MAN2B2: variants seen among roughly 807,000 people sequenced by gnomAD.
The protein encoded by MAN2B2 is mannosidase alpha class 2B member 2, also known as epididymis-specific alpha-mannosidase.
MAN2B2 carries 106 observed loss-of-function variants against 117.1 expected under a neutral mutation model. The ratio of observed to expected loss-of-function variants is 0.90; its 90% CI spans 0.77 to 1.06. The LOEUF (loss-of-function observed/expected upper bound fraction) is 1.06. MAN2B2 is among the 50% of genes least tolerant of loss of function. The pLI is 0.00. For missense variants in MAN2B2, 1,326 were observed against 1,381.4 expected (o/e 0.96, Z 0.64); for synonymous variants, 544 against 595.1 (o/e 0.91, Z 1.25).
In MAN2B2 at chr4:6,597,147, C is replaced by G; in HGVS notation, c.1092C>G (p.Ser364=). 1 of 1,613,386 alleles carries G rather than the reference C, an allele frequency of 6.2e-7. No individual in the cohort carries two copies. Among genetic ancestry groups the G allele is most frequent in the Non-Finnish European group, 8.5e-7 (1 of 1,179,896 alleles). Residue 364 remains serine (S), a synonymous_variant, in exon 8 of 19, where the codon TCC becomes TCG. Transcript: ENST00000285599. The stretch of plus-strand genomic sequence containing the variant: ...AGGCCTGGACGGGCTTCTACACGTC[C>G]CGCAGCTCACTGAAGGGGCTGGCCC... ...PFQAWTGFYT[S]RSSLKGLARR...
chr4:6,579,333 A>G (rs1726311040), intron 3 of MAN2B2, among the ~76,000 whole-genome samples: 1 of 131,542 alleles, frequency 7.6e-6, no homozygotes, highest in Non-Finnish European at 1.6e-5. Flanking sequence ...CACCACCACC[A>G]CCACCACCAT....
chr4:6,579,280 CCATCACCAT>C (rs1726291387), intron 3 of MAN2B2, among the ~76,000 whole-genome samples: 13 of 89,926 alleles, frequency 1.4e-4, no homozygotes, highest in African/African-American at 2.7e-4. Flanking sequence ...ATCACCACCA[CCATCACCAT>C]CACCACCACC....
chr4:6,578,363 G>A lies in MAN2B2; in HGVS notation c.286-30G>A, dbSNP rs781665148. The A allele has an allele frequency of 3.8e-6, 6 of 1,573,724 alleles. No individual in the cohort carries two copies. In the South Asian group the frequency reaches 6.8e-5, roughly 18 times the overall value. ...CAGCCATGCTCAGGAGCCGTAACTG[G>A]CTTTTTTCTCTCTGCCTGCCCATGT... On this transcript the variant is annotated intron_variant, in intron 2 of 18. Coordinates refer to ENST00000285599, the MANE Select transcript of MAN2B2 (RefSeq NM_015274.3).
chr4:6,604,795 G>C (rs1727471712), intron 10 of MAN2B2, among the ~76,000 whole-genome samples: 1 of 152,104 alleles, frequency 6.6e-6, no homozygotes, highest in Non-Finnish European at 1.5e-5. Flanking sequence ...GTGTTCAGGA[G>C]CTCCCAGTTC....
rs1362933037 is a variant in MAN2B2, at chr4:6,614,393, C to T, written c.2701+38C>T. On this transcript the variant is annotated intron_variant, in intron 16 of 18. Coordinates refer to ENST00000285599, the MANE Select transcript of MAN2B2 (RefSeq NM_015274.3). ...CCCTGGCGTCTCAGACCTGCTCCTC[C>T]CTCCCTGAGTCAAACAGGCCACCGG... 3.7e-6 allele frequency: 6 copies of T among 1,603,918 alleles called. No homozygotes were observed. The African/African-American group carries it at 5.3e-5, about 14-fold the overall frequency.
In MAN2B2 at chr4:6,578,444, GT is replaced by G; in HGVS notation, c.338del (p.Val113AlafsTer7). Reference protein sequence around the residue: ...GRLEFVIGGQVMHDEAVTHLD... With the variant: ...GRLEFVIGGQXMHDEAVTHLD... ...CCTGGAATTTGTCATCGGAGGCCAG[GT>G]CATGCATGACGAGGCTGTGACGCAC... On this transcript the variant is annotated frameshift_variant, in exon 3 of 19. Coordinates refer to ENST00000285599, the MANE Select transcript of MAN2B2 (RefSeq NM_015274.3). LOFTEE classifies it high-confidence loss of function. The G allele has an allele frequency of 6.2e-7, 1 of 1,613,742 alleles. No individual in the cohort carries two copies. Among genetic ancestry groups the G allele is most frequent in the Non-Finnish European group, 8.5e-7 (1 of 1,179,874 alleles).
intron 2 of MAN2B2, 84 bp downstream of exon 2, chr4:6,576,808 G>C: frequency 6.5e-7 from 1 of 1,527,204 alleles, no homozygotes. Flanking sequence ...GTTCTAGCCA[G>C]GGCCAGGGCC....
At position 6,609,854 on chromosome 4, in the gene MAN2B2, C is replaced by G. The variant is rs140604370; in HGVS notation, c.2063C>G (p.Pro688Arg). The change falls in exon 13 of 19, where the codon CCG (proline) becomes CGG (arginine). Residue 688 changes from proline to arginine, a missense_variant. Physicochemically the swap from Pro to Arg is moderately radical, Grantham distance 103 (BLOSUM62 -2). Coordinates refer to ENST00000285599, the MANE Select transcript of MAN2B2 (RefSeq NM_015274.3). ...YAIRSRLTHV[P>R]QGHDGELLCH... ...ATCCGCTCCCGGCTCACCCATGTGC[C>G]GCAGGGCCATGACGGGGAGCTGCTC... 5.5e-5 allele frequency: 89 copies of G among 1,614,092 alleles called. No homozygotes were observed. The African/African-American group carries it at 1.1e-3, about 19-fold the overall frequency.
rs542446773 is a variant in MAN2B2 at position 6,621,056 on chromosome 4, T to C, written c.2933-132T>C. 9.8e-5 allele frequency: 62 copies of C among 635,600 alleles called. No individual in the cohort carries two copies. In the South Asian group the frequency reaches 1.0e-3, roughly 11 times the overall value. 39.4% of individuals were successfully genotyped at this position (635,600 alleles called of 1,614,324 possible). A position where few individuals can be genotyped will look rare whatever the true frequency, so the allele number is the denominator to read the frequency against. The stretch of plus-strand genomic sequence containing the variant: ...GAAGGAGGCTGGGAGCCACAGCAGA[T>C]TGTAGACAGGTGCAGGAGGGTGAGA... On this transcript the variant is annotated intron_variant, in intron 18 of 18. Transcript: ENST00000285599.
chr4:6,579,327 A>G (rs1726308288), intron 3 of MAN2B2, among the ~76,000 whole-genome samples: 2 of 126,100 alleles, frequency 1.6e-5, no homozygotes, highest in Non-Finnish European at 3.4e-5. Context: ...CATCACCACC[A>G]CCACCACCAC....
rs144305497 is a variant in MAN2B2, at chr4:6,587,711, T to C, written c.564+543T>C. 5.2e-3 allele frequency among the ~76,000 whole-genome samples: 793 copies of C among 151,670 alleles called. 6 individuals are homozygous for C. The highest frequency in any genetic ancestry group is 9.2e-3 in the Non-Finnish European group (623 of 67,908). On this transcript the variant is annotated intron_variant, in intron 4 of 18. Transcript: ENST00000285599. ...TTCATTTCTTTTTCTTTTCTTTTGT[T>C]TTTTGTTTTTTGGGTTTTTTGGGGT...
chr4:6,607,553 A>G (rs1329296710), intron 11 of MAN2B2, among the ~76,000 whole-genome samples: 1 of 152,244 alleles, frequency 6.6e-6, no homozygotes, highest in Non-Finnish European at 1.5e-5. Flanking sequence ...CGTAGCACGT[A>G]TCAGTACTTC....
intron 3 of MAN2B2, among the ~76,000 whole-genome samples, chr4:6,578,964 TCAC>T (rs374472281): frequency 1.0e-4 from 15 of 144,482 alleles, no homozygotes; most frequent in African/African-American, 3.8e-4. Context: ...ACTACTACCA[TCAC>T]CACCACCACC....
chr4:6,615,688 T>C (rs932219043), intron 16 of MAN2B2, among the ~76,000 whole-genome samples: 1 of 152,032 alleles, frequency 6.6e-6, no homozygotes, highest in Non-Finnish European at 1.5e-5. Flanking sequence ...TGGTCCCAGC[T>C]ACTCAGGAGG....
Position 6,592,282 on chromosome 4 carries a change from A to C in MAN2B2, c.681-891A>C, listed in dbSNP as rs6849192. Among the ~76,000 whole-genome samples, 956 of 152,316 alleles carry C rather than the reference A, an allele frequency of 6.3e-3. 14 individuals are homozygous for C. The highest frequency in any genetic ancestry group is 0.022 in the African/African-American group (932 of 41,568). On this transcript the variant is annotated intron_variant, in intron 5 of 18. Transcript: ENST00000285599. ...TCCTTTCCATAAATGACTTTCATTT[A>C]ATCCTCACAACAACCTGCTCCACAT...
In MAN2B2 at chr4:6,623,004, GGAGT is replaced by G. The variant is rs1222635800; in HGVS notation, c.*1723_*1726del. 6.6e-6 allele frequency: 1 copy of G among 152,146 alleles called. No homozygotes were observed. Among genetic ancestry groups the G allele is most frequent in the Non-Finnish European group, 1.5e-5 (1 of 68,328 alleles). 9.4% of individuals were successfully genotyped at this position (152,146 alleles called of 1,614,324 possible). On this transcript the variant is annotated 3_prime_UTR_variant, in exon 19 of 19. Coordinates refer to ENST00000285599, the MANE Select transcript of MAN2B2 (RefSeq NM_015274.3). ...TGTGCAGTGGGAGGTTGAGGCACAA[GGAGT>G]GAGGCAGGAGCCCTTTAGAGCATGT...
chr4:6,580,885 AC>A (rs1726402083), intron 3 of MAN2B2, among the ~76,000 whole-genome samples: 2 of 152,060 alleles, frequency 1.3e-5, no homozygotes, highest in South Asian at 4.1e-4. Context: ...TGCAGGTCTG[AC>A]CTGGCAACTG....
intron 3 of MAN2B2, among the ~76,000 whole-genome samples, chr4:6,586,071 C>A (rs1726623357): frequency 6.8e-6 from 1 of 148,116 alleles, no homozygotes; most frequent in African/African-American, 2.6e-5. Context: ...TTTTTTGAGA[C>A]AGAGTCTCAC....
chr4:6,620,920 A>G (rs4234767), intron 18 of MAN2B2: 439,476 of 447,012 alleles, frequency 0.98, 216,428 homozygotes, highest in Non-Finnish European at 1. Context: ...AATTGCCCTC[A>G]GGGTGGGCAG....
Sources: gnomAD v4.1 joint callset for allele counts (sites outside exome capture counted in the v4.1 genomes callset) on GRCh38, gnomAD v4.1.1 for gene constraint, MANE v1.5 for transcripts, NCBI Gene and HGNC (gene_info 2026-07-23, HGNC 2026-07-21) for gene names.